Variants in VAV3 observed in about 807,000 individuals in gnomAD.
VAV3 encodes the protein guanine nucleotide exchange factor VAV3.
A neutral mutation model predicts 131.2 loss-of-function variants in VAV3; 94 were observed. That is an observed-to-expected ratio of 0.72 (90% CI 0.61 to 0.85). The LOEUF is 0.85. VAV3 is among the 40% of genes least tolerant of loss of function. The pLI, the probability that VAV3 is intolerant of heterozygous loss-of-function variation, is 0.00. For missense variants in VAV3, 939 were observed against 1,002.7 expected, an observed-to-expected ratio of 0.94 and a Z score of 0.86; for synonymous variants, 349 against 342.0, an observed-to-expected ratio of 1.02 and a Z score of -0.22.
chr1:107,891,082 GT>G (rs1671288583), intron 1 of VAV3, among the ~76,000 whole-genome samples: 1 of 151,622 alleles, frequency 6.6e-6, no homozygotes, highest in Admixed American at 6.6e-5. Flanking sequence ...CACTGGCCTG[GT>G]TTCCACAGAT....
chr1:107,657,149 T>G (rs1310951716), intron 19 of VAV3, among the ~76,000 whole-genome samples: 2 of 151,930 alleles, frequency 1.3e-5, no homozygotes, highest in Non-Finnish European at 2.9e-5. Context: ...GAGATGGAGT[T>G]TCACCATGTT....
At chr1:107,757,188 T>C in intron 11 of VAV3, 73 bp downstream of exon 11, 1 of 1,005,044 alleles carries the variant, frequency 9.9e-7, no homozygotes, top group East Asian at 2.4e-5. Context: ...TGTGTGTGTG[T>C]ATGCAATTTG....
chr1:107,875,024 A>G lies in VAV3; in HGVS notation c.205-7T>C, dbSNP rs903892454. Reference sequence around the variant, plus strand: ...TGTTCTTCAAACAGAGAAACTGAGGAATGGAAAAGAGCTGTTAGCATAAAG... The same window carrying G: ...TGTTCTTCAAACAGAGAAACTGAGGGATGGAAAAGAGCTGTTAGCATAAAG... On this transcript the variant is annotated splice_polypyrimidine_tract_variant and splice_region_variant and intron_variant, in intron 1 of 26. Coordinates refer to ENST00000370056, the MANE Select transcript of VAV3 (RefSeq NM_006113.5). 4 of 1,607,712 alleles carry G rather than the reference A, an allele frequency of 2.5e-6. No individual in the cohort carries two copies. The Admixed American group carries it at 6.7e-5, about 27-fold the overall frequency.
chr1:107,802,897 T>TG (rs926041880), intron 2 of VAV3, among the ~76,000 whole-genome samples: 3 of 151,688 alleles, frequency 2.0e-5, no homozygotes. Flanking sequence ...TTTTTTTTTT[T>TG]GAAGAGTTAG....
chr1:107,782,351 C>G (rs1291483504), intron 2 of VAV3, among the ~76,000 whole-genome samples: 1 of 152,168 alleles, frequency 6.6e-6, no homozygotes, highest in African/African-American at 2.4e-5. Context: ...CACACCGCCT[C>G]TTTCAGAAAA....
At chr1:107,735,877 C>G (rs1451918469) in intron 15 of VAV3, among the ~76,000 whole-genome samples, 1 of 151,994 alleles carries the variant, frequency 6.6e-6, no homozygotes, top group East Asian at 1.9e-4. Flanking sequence ...ATCCTGATAC[C>G]AAAGCCTGGC....
intron 2 of VAV3, among the ~76,000 whole-genome samples, chr1:107,845,269 G>A (rs1474461832): frequency 6.6e-6 from 1 of 152,086 alleles, no homozygotes; most frequent in African/African-American, 2.4e-5. Context: ...CGAAAAGGAC[G>A]TCCACACAAA....
chr1:107,618,287 T>C (rs1653320350), intron 20 of VAV3, among the ~76,000 whole-genome samples: 1 of 152,166 alleles, frequency 6.6e-6, no homozygotes, highest in Non-Finnish European at 1.5e-5. Flanking sequence ...CATAAGCAGA[T>C]CATATGAATT....
At chr1:107,829,769 G>T (rs1269199227) in intron 2 of VAV3, among the ~76,000 whole-genome samples, 1 of 152,074 alleles carries the variant, frequency 6.6e-6, no homozygotes. Context: ...TACAATGTCA[G>T]TCTAGCTTAC....
At chr1:107,660,610 T>C (rs1481334473) in intron 19 of VAV3, among the ~76,000 whole-genome samples, 1 of 152,188 alleles carries the variant, frequency 6.6e-6, no homozygotes, top group African/African-American at 2.4e-5. Context: ...GTGAAGGAGA[T>C]CCTAGGAGAT....
chr1:107,798,754 G>GCAC (rs1047157627), intron 2 of VAV3, among the ~76,000 whole-genome samples: 4 of 145,948 alleles, frequency 2.7e-5, no homozygotes, highest in Non-Finnish European at 6.0e-5. Flanking sequence ...AGAAGAACAT[G>GCAC]CACCGAACTG....
intron 20 of VAV3, among the ~76,000 whole-genome samples, chr1:107,632,742 T>A (rs1033148386): frequency 2.0e-5 from 3 of 152,200 alleles, no homozygotes; most frequent in Non-Finnish European, 2.9e-5. Flanking sequence ...AGTGTCTGAG[T>A]AGTGAACAGA....
chr1:107,920,122 A>G (rs1402770073), intron 1 of VAV3, among the ~76,000 whole-genome samples: 1 of 152,234 alleles, frequency 6.6e-6, no homozygotes. Flanking sequence ...CTTTCTTTCC[A>G]GAACATAGTG....
intron 1 of VAV3, among the ~76,000 whole-genome samples, chr1:107,945,271 C>T (rs774840894): frequency 1.3e-5 from 2 of 152,146 alleles, no homozygotes; most frequent in Non-Finnish European, 2.9e-5. Flanking sequence ...TTACAAGATA[C>T]ATTTGAATTT....
chr1:107,630,868 A>AT (rs1215980421), intron 20 of VAV3, among the ~76,000 whole-genome samples: 2 of 152,158 alleles, frequency 1.3e-5, no homozygotes, highest in Non-Finnish European at 2.9e-5. Context: ...TTTGTTCAGA[A>AT]TTTTTTTAAA....
intron 25 of VAV3, among the ~76,000 whole-genome samples, chr1:107,581,772 C>A (rs552430353): frequency 6.6e-6 from 1 of 152,148 alleles, no homozygotes. Flanking sequence ...CTGCCTTGAT[C>A]GTGCTATTAA....
intron 1 of VAV3, among the ~76,000 whole-genome samples, chr1:107,961,442 C>G (rs1012790439): frequency 6.6e-6 from 1 of 152,136 alleles, no homozygotes; most frequent in African/African-American, 2.4e-5. Context: ...CATTCACATG[C>G]TTTGTGTCCT....
rs144550048 is a variant in VAV3, at chr1:107,905,521, C to A, written c.205-30504G>T. Among the ~76,000 whole-genome samples the A allele has an allele frequency of 7.2e-3, 1,103 of 152,140 alleles. 14 individuals carry two copies. Among genetic ancestry groups the A allele is most frequent in the East Asian group, 0.053 (274 of 5,166 alleles). Reference sequence around the variant, plus strand: ...TGTTCATGGAAGCCAATGCTAAAGACCTCTGACATCTTAAAAAAAAAATCT... The same window carrying A: ...TGTTCATGGAAGCCAATGCTAAAGAACTCTGACATCTTAAAAAAAAAATCT... On this transcript the variant is annotated intron_variant, in intron 1 of 26. Transcript: ENST00000370056.
chr1:107,925,259 A>T (rs1445028926), intron 1 of VAV3, among the ~76,000 whole-genome samples: 2 of 152,228 alleles, frequency 1.3e-5, no homozygotes, highest in African/African-American at 4.8e-5. Context: ...GGGTGCTGGT[A>T]ATATCCTATG....
Sources: gnomAD v4.1 joint callset for allele counts (sites outside exome capture counted in the v4.1 genomes callset) on GRCh38, gnomAD v4.1.1 for gene constraint, MANE v1.5 for transcripts, NCBI Gene and HGNC (gene_info 2026-07-23, HGNC 2026-07-21) for gene names.